Variants in ANO3 observed in about 807,000 individuals in gnomAD.
ANO3 encodes the protein anoctamin 3, also known as anoctamin-3.
Under a neutral mutation model 144.8 loss-of-function variants are expected in ANO3, and 99 were observed. That is an observed-to-expected ratio of 0.68 (90% confidence interval 0.58 to 0.81). ANO3 has a LOEUF of 0.81. ANO3 is among the 30% of genes least tolerant of loss of function. ANO3 has a pLI of 0.00. For synonymous variants in ANO3, 414 were observed against 392.6 expected (o/e 1.05, Z -0.64); for missense variants, 905 against 1,202.2 (o/e 0.75, Z 3.66).
Position 26,660,447 on chromosome 11 carries a change from G to T in ANO3, c.*3G>T, listed in dbSNP as rs1853844779. ...CTGTTCACCATGAATGGCCTTAGTT[G>T]ACACCTGTTACCCATTAGGGGTGAT... On this transcript the variant is annotated 3_prime_UTR_variant, in exon 27 of 27. Coordinates refer to ENST00000256737, the MANE Select transcript of ANO3 (RefSeq NM_031418.4). 1 of 1,610,130 alleles carries T rather than the reference G, an allele frequency of 6.2e-7. No individual in the cohort carries two copies. The highest frequency in any genetic ancestry group is 1.3e-5 in the African/African-American group (1 of 74,780).
intron 1 of ANO3, among the ~76,000 whole-genome samples, chr11:26,252,656 C>G (rs1852956275): frequency 1.3e-5 from 2 of 152,110 alleles, no homozygotes. Context: ...TTGAACATCC[C>G]TCTCCCCCAA....
At chr11:26,653,129 G>T (rs1030479833) in intron 24 of ANO3, among the ~76,000 whole-genome samples, 1 of 152,004 alleles carries the variant, frequency 6.6e-6, no homozygotes, top group African/African-American at 2.4e-5. Context: ...TTCATGGATC[G>T]ATCTACGCTC....
chr11:26,208,766 C>G (rs12806221), intron 1 of ANO3, among the ~76,000 whole-genome samples: 45,986 of 151,984 alleles, frequency 0.3, 7,703 homozygotes, highest in Non-Finnish European at 0.37. Context: ...AAAACCTAGA[C>G]TGCTCAAAGA....
rs986231887 is a variant in ANO3 at position 26,661,730 on chromosome 11, A to G, written c.*1286A>G. On this transcript the variant is annotated 3_prime_UTR_variant, in exon 27 of 27. Coordinates refer to ENST00000256737, the MANE Select transcript of ANO3 (RefSeq NM_031418.4). ...AATTTTGCTTTGTTGTGGAATTTCT[A>G]TTTCAACGTCAACTCTGTATCTATG... 1.3e-5 allele frequency: 2 copies of G among 152,080 alleles called. No individual in the cohort carries two copies. Among genetic ancestry groups the G allele is most frequent in the African/African-American group, 4.8e-5 (2 of 41,430 alleles). 9.4% of individuals were successfully genotyped at this position (152,080 alleles called of 1,614,324 possible).
chr11:26,395,964 GCTT>G (rs1275509019), intron 1 of ANO3, among the ~76,000 whole-genome samples: 1 of 152,098 alleles, frequency 6.6e-6, no homozygotes, highest in Non-Finnish European at 1.5e-5. Context: ...AAACTAAAGA[GCTT>G]CTGCACAGCA....
intron 1 of ANO3, among the ~76,000 whole-genome samples, chr11:26,237,368 T>C (rs1404758350): frequency 3.3e-5 from 5 of 152,088 alleles, no homozygotes; most frequent in African/African-American, 1.2e-4. Flanking sequence ...TTTTTAAAAG[T>C]TTTGCTTTCC....
chr11:26,502,690 C>G (rs949485969), intron 4 of ANO3, among the ~76,000 whole-genome samples: 1 of 151,976 alleles, frequency 6.6e-6, no homozygotes, highest in Non-Finnish European at 1.5e-5. Context: ...TCTATTAATG[C>G]GCAAAATAGA....
intron 3 of ANO3, among the ~76,000 whole-genome samples, chr11:26,462,531 C>G (rs1023737466): frequency 3.3e-5 from 5 of 151,746 alleles, no homozygotes; most frequent in Non-Finnish European, 1.5e-5. Flanking sequence ...TTTCAATCCC[C>G]TGATTTTATG....
Position 26,202,166 on chromosome 11 carries a change from T to G in ANO3, c.154+12836T>G, listed in dbSNP as rs182296642. 1.4e-3 allele frequency among the ~76,000 whole-genome samples: 206 copies of G among 148,596 alleles called. 1 individual carries two copies. The highest frequency in any genetic ancestry group is 9.0e-3 in the Admixed American group (132 of 14,732). Reference sequence around the variant, plus strand: ...TTCTTAAAAATATTTTATACAAAATTTCTAACTGACCTCACATAATCTTTT... The same window carrying G: ...TTCTTAAAAATATTTTATACAAAATGTCTAACTGACCTCACATAATCTTTT... On this transcript the variant is annotated intron_variant, in intron 1 of 27. Coordinates refer to the ANO3 transcript ENST00000672621.
intron 1 of ANO3, among the ~76,000 whole-genome samples, chr11:26,345,838 C>T (rs932260884): frequency 1.3e-5 from 2 of 151,950 alleles, no homozygotes; most frequent in Non-Finnish European, 2.9e-5. Context: ...CAAAAATATG[C>T]CAAAATAGGT....
intron 14 of ANO3, chr11:26,565,922 A>T: frequency 6.5e-7 from 1 of 1,529,876 alleles, no homozygotes; most frequent in Non-Finnish European, 8.8e-7. Flanking sequence ...CATAATTTGA[A>T]TTCCTTAAAT....
intron 14 of ANO3, among the ~76,000 whole-genome samples, chr11:26,595,828 G>GT (rs760389400): frequency 7.2e-5 from 11 of 152,044 alleles, no homozygotes; most frequent in South Asian, 2.1e-4. Context: ...CTACTTTTTT[G>GT]CTTTTTTTGA....
intron 4 of ANO3, among the ~76,000 whole-genome samples, chr11:26,497,149 T>C (rs1403861745): frequency 6.6e-6 from 1 of 151,646 alleles, no homozygotes; most frequent in Non-Finnish European, 1.5e-5. Flanking sequence ...CAAATATGTA[T>C]ACAGACATAC....
chr11:26,277,029 G>T (rs2100820), intron 1 of ANO3, among the ~76,000 whole-genome samples: 13,246 of 152,118 alleles, frequency 0.087, 782 homozygotes, highest in Non-Finnish European at 0.13. Context: ...TCTAGTGGCT[G>T]CCATTCATAT....
chr11:26,231,377 C>T (rs1852396548), intron 1 of ANO3, among the ~76,000 whole-genome samples: 1 of 152,130 alleles, frequency 6.6e-6, no homozygotes, highest in South Asian at 2.1e-4. Context: ...TGAGTTACCA[C>T]TGACTCACCA....
At chr11:26,599,777 G>A (rs1851739840) in intron 17 of ANO3, 63 bp downstream of exon 17, 10 of 1,429,608 alleles carry the variant, frequency 7.0e-6, no homozygotes, top group Non-Finnish European at 8.5e-6. Context: ...AGAGGTCTAT[G>A]TTTCCTTTAT....
chr11:26,508,945 C>G (rs915533600), intron 5 of ANO3, among the ~76,000 whole-genome samples: 1 of 151,520 alleles, frequency 6.6e-6, no homozygotes, highest in Non-Finnish European at 1.5e-5. Context: ...AAATCATACG[C>G]TTCTCTCCTT....
intron 9 of ANO3, among the ~76,000 whole-genome samples, chr11:26,535,203 T>G (rs1288017806): frequency 6.6e-6 from 1 of 152,172 alleles, no homozygotes; most frequent in African/African-American, 2.4e-5. Flanking sequence ...GTAAGAAACT[T>G]TTTAGAGGTT....
intron 17 of ANO3, among the ~76,000 whole-genome samples, chr11:26,611,452 A>G (rs142110262): frequency 1.9e-3 from 282 of 152,028 alleles, no homozygotes; most frequent in Non-Finnish European, 3.1e-3. Flanking sequence ...TAGTTTTGTA[A>G]TATTGTGGTC....
Sources: allele counts gnomAD v4.1 joint callset (sites outside exome capture counted in the v4.1 genomes callset), GRCh38; gene constraint gnomAD v4.1.1; transcripts MANE v1.5; gene names NCBI Gene and HGNC (gene_info 2026-07-23, HGNC 2026-07-21).